The following PPP4R2 variants were observed in gnomAD, a reference collection of about 807,000 sequenced individuals.
PPP4R2 encodes the protein protein phosphatase 4 regulatory subunit 2.
In PPP4R2, 13 loss-of-function variants were observed where a neutral mutation model predicts 47.2. That is an observed-to-expected ratio of 0.28 (90% confidence interval 0.18 to 0.44). The LOEUF (loss-of-function observed/expected upper bound fraction) is 0.44, where lower values mean the gene tolerates loss of function less well. PPP4R2 is among the 20% of genes least tolerant of loss of function. The probability of loss-of-function intolerance (pLI) is 1.00; values close to 1 mark genes in which losing one functional copy is unlikely to be tolerated. For synonymous variants in PPP4R2, 151 were observed against 163.3 expected (o/e 0.92, Z 0.57); for missense variants, 421 against 491.2 (o/e 0.86, Z 1.35).
intron 3 of PPP4R2, among the ~76,000 whole-genome samples, chr3:73,058,516 A>T (rs7641964): frequency 0.14 from 21,595 of 151,220 alleles, 1,811 homozygotes; most frequent in East Asian, 0.36. Flanking sequence ...CTTTTTTTTT[A>T]AAAAAGAATT....
At chr3:73,063,541 T>C in intron 5 of PPP4R2, 132 bp from the exon 6 acceptor site, 1 of 600,156 alleles carries the variant, frequency 1.7e-6, no homozygotes, top group Non-Finnish European at 3.0e-6. Flanking sequence ...TAAGAATTGC[T>C]TGAACCTGGG....
intron 2 of PPP4R2, among the ~76,000 whole-genome samples, chr3:73,021,435 C>G (rs564867027): frequency 6.9e-4 from 105 of 151,946 alleles, no homozygotes; most frequent in African/African-American, 2.5e-3. Flanking sequence ...TAGGGTTTTG[C>G]CCTTTTGCCC....
At chr3:73,002,634 CTTTTTTTT>C (rs1173734970) in intron 2 of PPP4R2, among the ~76,000 whole-genome samples, 4 of 41,166 alleles carry the variant, frequency 9.7e-5, no homozygotes, top group South Asian at 1.3e-3. Context: ...CTTTTCTTTT[CTTTTTTTT>C]TTTTTTTTTT....
intron 2 of PPP4R2, among the ~76,000 whole-genome samples, chr3:73,044,853 C>A (rs1176419115): frequency 2.0e-5 from 3 of 152,030 alleles, no homozygotes; most frequent in African/African-American, 7.3e-5. Context: ...GATATTAACC[C>A]CTTATCAGAT....
At chr3:73,016,816 T>TC (rs1202245675) in intron 2 of PPP4R2, among the ~76,000 whole-genome samples, 3 of 55,288 alleles carry the variant, frequency 5.4e-5, no homozygotes, top group African/African-American at 2.5e-4. Flanking sequence ...ATTGTTTCTT[T>TC]TTTTTTTTTT....
intron 2 of PPP4R2, among the ~76,000 whole-genome samples, chr3:73,031,412 A>T (rs1702161755): frequency 6.6e-6 from 1 of 152,070 alleles, no homozygotes; most frequent in Non-Finnish European, 1.5e-5. Flanking sequence ...ACATGGTGGC[A>T]TGCACCTGTA....
intron 2 of PPP4R2, among the ~76,000 whole-genome samples, chr3:73,017,937 A>G (rs1701873973): frequency 6.6e-6 from 1 of 152,130 alleles, no homozygotes; most frequent in Non-Finnish European, 1.5e-5. Context: ...CATGTTGGCC[A>G]GGCTCATACC....
intron 2 of PPP4R2, among the ~76,000 whole-genome samples, chr3:73,016,812 T>C (rs1417289011): frequency 9.5e-6 from 1 of 105,208 alleles, no homozygotes; most frequent in Non-Finnish European, 1.9e-5. Flanking sequence ...GTTCATTGTT[T>C]CTTTTTTTTT....
chr3:73,001,967 A>G (rs1006866862), intron 2 of PPP4R2, among the ~76,000 whole-genome samples: 1 of 152,102 alleles, frequency 6.6e-6, no homozygotes, highest in Non-Finnish European at 1.5e-5. Flanking sequence ...GTGGTAATAA[A>G]TACATGTATA....
At position 73,013,981 on chromosome 3, in the gene PPP4R2, G is replaced by A. The variant is rs1268534601; in HGVS notation, c.116+15823G>A. Among the ~76,000 whole-genome samples the A allele has an allele frequency of 8.4e-5, 6 of 71,328 alleles. 2 individuals carry two copies. The highest frequency in any genetic ancestry group is 2.5e-4 in the African/African-American group (6 of 24,080). The allele number at this position is 71,328 out of a possible 152,430, so 46.8% of individuals were successfully genotyped here. On this transcript the variant is annotated intron_variant, in intron 2 of 8. Transcript: ENST00000356692. The stretch of plus-strand genomic sequence containing the variant: ...TTACCAAAACACAAAAATTTACCTC[G>A]TTGTCTTCATGGGCTGCATAATATT...
intron 2 of PPP4R2, among the ~76,000 whole-genome samples, chr3:73,013,757 G>A (rs1701770843): frequency 6.6e-6 from 1 of 151,998 alleles, no homozygotes; most frequent in Non-Finnish European, 1.5e-5. Flanking sequence ...TTCTGCCTCA[G>A]CCTCCCGAGT....
intron 2 of PPP4R2, among the ~76,000 whole-genome samples, chr3:73,045,026 CT>C (rs1702454179): frequency 6.6e-6 from 1 of 152,140 alleles, no homozygotes; most frequent in Non-Finnish European, 1.5e-5. Context: ...CAGGGTCTTG[CT>C]CTGTCGCTCA....
At chr3:73,011,992 A>G (rs1559549022) in intron 2 of PPP4R2, among the ~76,000 whole-genome samples, 2 of 152,166 alleles carry the variant, frequency 1.3e-5, no homozygotes, top group Admixed American at 6.5e-5. Flanking sequence ...TATTGTGTAT[A>G]TCTGGGAGGA....
intron 2 of PPP4R2, among the ~76,000 whole-genome samples, chr3:73,003,903 A>T (rs9850087): frequency 0.39 from 58,381 of 151,462 alleles, 11,593 homozygotes; most frequent in African/African-American, 0.44. Context: ...TTTCTCTGTG[A>T]TGGCTGGGCT....
intron 2 of PPP4R2, among the ~76,000 whole-genome samples, chr3:73,032,562 C>G (rs1206103650): frequency 6.6e-6 from 1 of 152,202 alleles, no homozygotes; most frequent in Non-Finnish European, 1.5e-5. Flanking sequence ...GCTGGGATTA[C>G]AGGCGTGAGC....
At chr3:73,053,016 T>A (rs1472876432) in intron 3 of PPP4R2, among the ~76,000 whole-genome samples, 1 of 152,232 alleles carries the variant, frequency 6.6e-6, no homozygotes, top group East Asian at 1.9e-4. Flanking sequence ...TGCTTTACGG[T>A]TAGCTCCAGA....
intron 7 of PPP4R2, 134 bp downstream of exon 7, chr3:73,064,280 G>T: frequency 1.4e-6 from 1 of 709,486 alleles, no homozygotes. Context: ...AGGAGCACTG[G>T]CTTCTCTTTG....
At chr3:73,060,241 A>T (rs1386969440) in intron 4 of PPP4R2, among the ~76,000 whole-genome samples, 1 of 152,182 alleles carries the variant, frequency 6.6e-6, no homozygotes, top group Non-Finnish European at 1.5e-5. Context: ...TCCTCTGTAC[A>T]CTCAATTGAA....
intron 7 of PPP4R2, 49 bp downstream of exon 7, chr3:73,064,195 T>A: frequency 1.3e-6 from 2 of 1,490,592 alleles, no homozygotes; most frequent in Non-Finnish European, 1.8e-6. Flanking sequence ...AAAGTTAAAG[T>A]TAACATTTAA....
Sources: gnomAD v4.1 joint callset for allele counts (sites outside exome capture counted in the v4.1 genomes callset) on GRCh38, gnomAD v4.1.1 for gene constraint, MANE v1.5 for transcripts, NCBI Gene and HGNC (gene_info 2026-07-23, HGNC 2026-07-21) for gene names.